IGFBP3: variants seen among roughly 807,000 people sequenced by gnomAD.
IGFBP3 encodes the protein insulin like growth factor binding protein 3, also known as insulin-like growth factor-binding protein 3.
In IGFBP3, 9 loss-of-function variants were observed where a neutral mutation model predicts 28.6. That is an observed-to-expected ratio of 0.31 (90% CI 0.19 to 0.55). IGFBP3 has a LOEUF of 0.55. IGFBP3 is among the 20% of genes least tolerant of loss of function. The pLI is 0.93. For missense variants in IGFBP3, 382 were observed against 428.9 expected, an observed-to-expected ratio of 0.89 and a Z score of 0.97; for synonymous variants, 185 against 188.2, an observed-to-expected ratio of 0.98 and a Z score of 0.14.
Position 45,920,893 on chromosome 7 carries a change from A to C in IGFBP3, c.248T>G (p.Ile83Ser). 7.0e-7 allele frequency: 1 copy of C among 1,436,546 alleles called. No individual in the cohort carries two copies. The highest frequency in any genetic ancestry group is 1.5e-5 in the African/African-American group (1 of 67,158). 89.0% of individuals were successfully genotyped at this position (1,436,546 alleles called of 1,614,324 possible). Residue 83 changes from isoleucine to serine, a missense_variant, in exon 1 of 5, where the codon ATC becomes AGC. Ile to Ser is a moderately radical substitution (Grantham distance 142). Coordinates refer to ENST00000613132, the MANE Select transcript of IGFBP3 (RefSeq NM_000598.5). The part of the protein sequence containing the change: ...CALSEGQPCG[I>S]YTERCGSGLR... ...GCCGGAGCCACAGCGCTCGGTGTAGATGCCGCACGGCTGGCCCTCGCTCAG... is the reference window on the plus strand; with the variant it reads ...GCCGGAGCCACAGCGCTCGGTGTAGCTGCCGCACGGCTGGCCCTCGCTCAG...
At chr7:45,914,633 T>C in intron 4 of IGFBP3, 172 bp downstream of exon 4, 1 of 584,758 alleles carries the variant, frequency 1.7e-6, no homozygotes, top group Admixed American at 3.2e-5. Flanking sequence ...GGTCTCCCTC[T>C]CCCTGCACCC....
rs1240659234 is a variant in IGFBP3 at position 45,921,208 on chromosome 7, G to A, written c.-68C>T. ...CAGGGATGGGGCGACAGTACACGGC[G>A]CGAAGCTGTGGAATCCAGGCAGGAA... On this transcript the variant is annotated 5_prime_UTR_variant, in exon 1 of 5. Transcript: ENST00000613132. The A allele has an allele frequency of 6.8e-7, 1 of 1,470,014 alleles. No individual in the cohort carries two copies. Among genetic ancestry groups the A allele is most frequent in the South Asian group, 1.2e-5 (1 of 82,074 alleles). 91.1% of individuals were successfully genotyped at this position (1,470,014 alleles called of 1,614,324 possible).
At chr7:45,920,679 G>A in intron 1 of IGFBP3, 59 bp downstream of exon 1, 2 of 1,310,068 alleles carry the variant, frequency 1.5e-6, no homozygotes, top group Non-Finnish European at 1.9e-6. Context: ...CAACCCCCAG[G>A]CCCTTCGGCG....
In IGFBP3 at chr7:45,920,958, C is replaced by T. The variant is rs113626013; in HGVS notation, c.183G>A (p.Leu61=). Residue 61 remains leucine, a synonymous_variant, in exon 1 of 5, where the codon CTG becomes CTA. Coordinates refer to ENST00000613132, the MANE Select transcript of IGFBP3 (RefSeq NM_000598.5). Reference sequence around the variant, plus strand: ...AGCAGCCGCAGCCCGGCTCGCGCACCAGCTCCGCGCACACGGCGGGCGGAG... The same window carrying T: ...AGCAGCCGCAGCCCGGCTCGCGCACTAGCTCCGCGCACACGGCGGGCGGAG... The part of the protein sequence containing the change: ...CAPPPAVCAE[L]VREPGCGCCL... The T allele has an allele frequency of 5.9e-6, 8 of 1,361,134 alleles. No individual in the cohort carries two copies. In the East Asian group the frequency reaches 9.4e-5, roughly 16 times the overall value. 84.3% of individuals were successfully genotyped at this position (1,361,134 alleles called of 1,614,324 possible). A position where few individuals can be genotyped will look rare whatever the true frequency, so the allele number is the denominator to read the frequency against.
At chr7:45,919,799 T>G (rs868460969) in intron 1 of IGFBP3, among the ~76,000 whole-genome samples, 1 of 152,008 alleles carries the variant, frequency 6.6e-6, no homozygotes, top group Non-Finnish European at 1.5e-5. Context: ...AAGGGAACAA[T>G]GTGATGCCCT....
chr7:45,915,094 G>A (rs1363612830), intron 3 of IGFBP3, 149 bp from the exon 4 acceptor site: 9 of 808,256 alleles, frequency 1.1e-5, no homozygotes, highest in African/African-American at 3.4e-5. Flanking sequence ...CAAGAGCCAT[G>A]CGTGCCTAGG....
At position 45,912,696 on chromosome 7, in the gene IGFBP3, A is replaced by T. The variant is rs1413463820; in HGVS notation, c.*1154T>A. The T allele has an allele frequency of 1.3e-5, 2 of 152,576 alleles. No individual in the cohort carries two copies. Among genetic ancestry groups the T allele is most frequent in the Non-Finnish European group, 2.9e-5 (2 of 68,044 alleles). The allele number at this position is 152,576 out of a possible 1,614,324, so 9.5% of individuals were successfully genotyped here. A position where few individuals can be genotyped will look rare whatever the true frequency, so the allele number is the denominator to read the frequency against. ...TTTCATCTAGGATTATCTAGTATAG[A>T]TCTTACTATATTTGGGGCTATGTTG... On this transcript the variant is annotated 3_prime_UTR_variant, in exon 5 of 5. Transcript: ENST00000613132.
Position 45,917,324 on chromosome 7 carries a change from G to A in IGFBP3, c.519C>T (p.Ile173=). 1 of 1,614,098 alleles carries A rather than the reference G, an allele frequency of 6.2e-7. No individual in the cohort carries two copies. ...CTTTAGCATGCCCTTTCTTGATGAT[G>A]ATTATCTTTGAATGGAGGGGGTGGA... ...PKFHPLHSKI[I]IIKKGHAKDS... The change falls in exon 2 of 5, where the codon ATC becomes ATT. Residue 173 remains isoleucine (I), a synonymous_variant. Coordinates refer to ENST00000613132, the MANE Select transcript of IGFBP3 (RefSeq NM_000598.5).
At chr7:45,920,701 G>C (rs1562582427) in intron 1 of IGFBP3, 37 bp downstream of exon 1, 1 of 1,340,118 alleles carries the variant, frequency 7.5e-7, no homozygotes, top group South Asian at 1.9e-5. Context: ...CAGTGCGCCG[G>C]GTGCTGCACG....
At chr7:45,915,807 C>A (rs1406266637) in intron 3 of IGFBP3, among the ~76,000 whole-genome samples, 1 of 152,194 alleles carries the variant, frequency 6.6e-6, no homozygotes, top group Non-Finnish European at 1.5e-5. Context: ...TAGGGAAATG[C>A]CAGTGAGTCG....
intron 3 of IGFBP3, 144 bp from the exon 4 acceptor site, chr7:45,915,089 G>A: frequency 1.1e-6 from 1 of 942,484 alleles, no homozygotes; most frequent in East Asian, 2.6e-5. Flanking sequence ...CAACACAAGA[G>A]CCATGCGTGC....
In IGFBP3 at chr7:45,914,696, T is replaced by C; in HGVS notation, c.*15+109A>G. 15 of 1,069,186 alleles carry C rather than the reference T, an allele frequency of 1.4e-5. No individual in the cohort carries two copies. The South Asian group carries it at 2.0e-4, about 14-fold the overall frequency. The allele number at this position is 1,069,186 out of a possible 1,614,324, so 66.2% of individuals were successfully genotyped here. ...GCTCTTTCTGGCCCTGAGCTGCAGCTCCTGGGTCTGTAAGCCTGGGGAAGG... is the reference window on the plus strand; with the variant it reads ...GCTCTTTCTGGCCCTGAGCTGCAGCCCCTGGGTCTGTAAGCCTGGGGAAGG... On this transcript the variant is annotated intron_variant, in intron 4 of 4. Coordinates refer to ENST00000613132, the MANE Select transcript of IGFBP3 (RefSeq NM_000598.5).
At chr7:45,916,728 T>TA in intron 2 of IGFBP3, 61 bp from the exon 3 acceptor site, 1 of 1,565,030 alleles carries the variant, frequency 6.4e-7, no homozygotes, top group South Asian at 1.1e-5. Flanking sequence ...ATGTGTGCTT[T>TA]AAAAATCTTA....
rs1486330991 is a variant in IGFBP3 at position 45,920,615 on chromosome 7, C to G, written c.403+123G>C. The G allele has an allele frequency of 5.5e-5, 56 of 1,012,966 alleles. 1 individual carries two copies. The East Asian group carries it at 1.9e-3, about 34-fold the overall frequency. 62.7% of individuals were successfully genotyped at this position (1,012,966 alleles called of 1,614,324 possible). On this transcript the variant is annotated intron_variant, in intron 1 of 4. Transcript: ENST00000613132. Reference sequence around the variant, plus strand: ...CTTTCCCGGAGCGCCTTCAGTTTCCCCACATATTATCTCCAGTGAGAAGAA... The same window carrying G: ...CTTTCCCGGAGCGCCTTCAGTTTCCGCACATATTATCTCCAGTGAGAAGAA...
rs778641960 is a variant in IGFBP3 at position 45,916,699 on chromosome 7, TCA to T, written c.631-34_631-33del. The T allele has an allele frequency of 1.9e-6, 3 of 1,593,046 alleles. No individual in the cohort carries two copies. The African/African-American group carries it at 4.0e-5, about 21-fold the overall frequency. Reference sequence around the variant, plus strand: ...ATCAGGAAGGACCAGAGCAACAGAGTCACAGTTTTTACTCTAGAATGTGTGCT... The same window carrying T: ...ATCAGGAAGGACCAGAGCAACAGAGTCAGTTTTTACTCTAGAATGTGTGCT... On this transcript the variant is annotated intron_variant, in intron 2 of 4. Coordinates refer to ENST00000613132, the MANE Select transcript of IGFBP3 (RefSeq NM_000598.5).
rs1410697125 is a variant in IGFBP3, at chr7:45,920,939, C to T, written c.202G>A (p.Gly68Ser). 16 of 1,396,216 alleles carry T rather than the reference C, an allele frequency of 1.1e-5. No homozygotes were observed. Among genetic ancestry groups the T allele is most frequent in the Non-Finnish European group, 1.5e-5 (16 of 1,080,892 alleles). 86.5% of individuals were successfully genotyped at this position (1,396,216 alleles called of 1,614,324 possible). The change falls in exon 1 of 5, where the codon GGC becomes AGC. Residue 68 changes from glycine (G) to serine (S), a missense_variant. Coordinates refer to ENST00000613132, the MANE Select transcript of IGFBP3 (RefSeq NM_000598.5). The stretch of plus-strand genomic sequence containing the variant: ...CTCAGTGCGCACGTCAGGCAGCAGC[C>T]GCAGCCCGGCTCGCGCACCAGCTCC... ...CAELVREPGC[G>S]CCLTCALSEG... is the part of the protein sequence containing the mutation.
chr7:45,916,575 G>T lies in IGFBP3; in HGVS notation c.723C>A (p.Asp241Glu). 6.2e-7 allele frequency: 1 copy of T among 1,611,896 alleles called. No homozygotes were observed. Among genetic ancestry groups the T allele is most frequent in the Non-Finnish European group, 8.5e-7 (1 of 1,178,178 alleles). Residue 241 changes from aspartate to glutamate, a missense_variant, in exon 3 of 5, where the codon GAC (aspartate) becomes GAA (glutamate). Physicochemically the swap from Asp to Glu is conservative, Grantham distance 45 (BLOSUM62 2). Transcript: ENST00000613132. ...SPRGVHIPNC[D>E]KKGFYKKKQC... ...GCTTTTTCTTATAAAATCCCTTCTT[G>T]TCACAGTTGGGAATGTGTACACCCC...
chr7:45,921,092 C>T lies in IGFBP3; in HGVS notation c.49G>A (p.Val17Met), dbSNP rs1365817918. ...TLWAAALTLLVLLRGPPVARA... is the reference protein window; with the variant it reads ...TLWAAALTLLMLLRGPPVARA... The stretch of plus-strand genomic sequence containing the variant: ...GCCACCGGCGGCCCGCGGAGCAGCA[C>T]CAGCAGAGTCAGCGCAGCGGCCCAG... Residue 17 changes from valine (V) to methionine (M), a missense_variant, in exon 1 of 5, where the codon GTG becomes ATG. Val to Met is a conservative substitution (Grantham distance 21). Coordinates refer to ENST00000613132, the MANE Select transcript of IGFBP3 (RefSeq NM_000598.5). 6.7e-7 allele frequency: 1 copy of T among 1,483,970 alleles called. No individual in the cohort carries two copies. The highest frequency in any genetic ancestry group is 8.9e-7 in the Non-Finnish European group (1 of 1,124,186). 91.9% of individuals were successfully genotyped at this position (1,483,970 alleles called of 1,614,324 possible).
At position 45,913,515 on chromosome 7, in the gene IGFBP3, T is replaced by C. The variant is rs1784570662; in HGVS notation, c.*335A>G. ...ACAGCCGCCTAAGTCACAAAGTCAG[T>C]GGTCGGCCGCTTCGACCAACATGTG... is the stretch of plus-strand genomic sequence containing the variant. On this transcript the variant is annotated 3_prime_UTR_variant, in exon 5 of 5. Transcript: ENST00000613132. The C allele has an allele frequency of 1.3e-5, 2 of 152,266 alleles. No homozygotes were observed. Among genetic ancestry groups the C allele is most frequent in the South Asian group, 2.1e-4 (1 of 4,832 alleles). 9.4% of individuals were successfully genotyped at this position (152,266 alleles called of 1,614,324 possible). A position where few individuals can be genotyped will look rare whatever the true frequency, so the allele number is the denominator to read the frequency against.
Sources: gnomAD v4.1 joint callset for allele counts (sites outside exome capture counted in the v4.1 genomes callset) on GRCh38, gnomAD v4.1.1 for gene constraint, MANE v1.5 for transcripts, NCBI Gene and HGNC (gene_info 2026-07-23, HGNC 2026-07-21) for gene names.